ICA1L: variants seen among roughly 807,000 people sequenced by gnomAD.
ICA1L encodes the protein islet cell autoantigen 1 like.
ICA1L carries 50 observed loss-of-function variants against 61.3 expected under a neutral mutation model. The ratio of observed to expected loss-of-function variants is 0.82; its 90% confidence interval spans 0.65 to 1.03. ICA1L has a LOEUF of 1.03. Ranked by LOEUF, ICA1L falls within the 50% of genes least tolerant of loss-of-function variation. ICA1L has a pLI of 0.00. For synonymous variants in ICA1L, 161 were observed against 191.3 expected, an observed-to-expected ratio of 0.84 and a Z score of 1.31; for missense variants, 508 against 556.7, an observed-to-expected ratio of 0.91 and a Z score of 0.88.
Position 202,828,832 on chromosome 2 carries a change from G to A in ICA1L, c.162+16C>T, listed in dbSNP as rs200784262. 1.6e-4 allele frequency: 253 copies of A among 1,609,262 alleles called. 1 individual carries two copies. The African/African-American group carries it at 3.0e-3, about 19-fold the overall frequency. The stretch of plus-strand genomic sequence containing the variant: ...AATGGCTGGTTATATGCAATACATA[G>A]AATCCTCAAATTTACCTCAAGTTTA... On this transcript the variant is annotated intron_variant, in intron 2 of 12. Transcript: ENST00000358299.
Position 202,815,951 on chromosome 2 carries a change from G to C in ICA1L, c.743C>G (p.Ala248Gly). 1 of 1,604,426 alleles carries C rather than the reference G, an allele frequency of 6.2e-7. No individual in the cohort carries two copies. The change falls in exon 7 of 13, where the codon GCC becomes GGC. Residue 248 changes from alanine to glycine, a missense_variant. By Grantham distance (60) the Ala-to-Gly change is moderately conservative. Coordinates refer to ENST00000358299, the MANE Select transcript of ICA1L (RefSeq NM_001288622.3). ...ATCATACGGATGAAAGCCAATACAG[G>C]CTTCATGAATTTGGGACATCATTCG... is the stretch of plus-strand genomic sequence containing the variant. ...TARMMSQIHE[A>G]CIGFHPYDFV...
chr2:202,838,188 T>C (rs1244197820), intron 1 of ICA1L, among the ~76,000 whole-genome samples: 9 of 152,232 alleles, frequency 5.9e-5, no homozygotes, highest in African/African-American at 2.2e-4. Context: ...TTAAATTTCT[T>C]TTTTGACACG....
intron 3 of ICA1L, among the ~76,000 whole-genome samples, chr2:202,822,089 G>C (rs1368780821): frequency 6.6e-6 from 1 of 152,164 alleles, no homozygotes; most frequent in African/African-American, 2.4e-5. Flanking sequence ...TAGAGACTTT[G>C]AGCATTTTAT....
chr2:202,864,254 T>A (rs1687397131), intron 1 of ICA1L, among the ~76,000 whole-genome samples: 1 of 152,062 alleles, frequency 6.6e-6, no homozygotes, highest in Non-Finnish European at 1.5e-5. Flanking sequence ...TCAATTTTTT[T>A]TTTTTTCGAG....
intron 1 of ICA1L, among the ~76,000 whole-genome samples, chr2:202,861,737 T>G (rs1048298481): frequency 6.6e-6 from 1 of 151,732 alleles, no homozygotes; most frequent in East Asian, 1.9e-4. Flanking sequence ...AAACAAAAAT[T>G]AGCTGGGTGT....
intron 10 of ICA1L, among the ~76,000 whole-genome samples, chr2:202,789,479 T>C (rs1692682682): frequency 6.6e-6 from 1 of 152,208 alleles, no homozygotes; most frequent in Non-Finnish European, 1.5e-5. Flanking sequence ...AATGTAGTTA[T>C]TTTGGATAAC....
In ICA1L at chr2:202,862,272, C is replaced by CCAAAAAAAAAAAAA. The variant is rs1462555700; in HGVS notation, c.-8+9346_-8+9347insTTTTTTTTTTTTTG. On this transcript the variant is annotated intron_variant, in intron 1 of 12. Coordinates refer to ENST00000358299, the MANE Select transcript of ICA1L (RefSeq NM_001288622.3). The stretch of plus-strand genomic sequence containing the variant: ...GCAACACAGTAAGACCTCATTTCTA[C>CCAAAAAAAAAAAAA]AAAAAAAAAAAAAAAAAAAAAAAAA... Among the ~76,000 whole-genome samples the CCAAAAAAAAAAAAA allele has an allele frequency of 4.9e-4, 31 of 62,978 alleles. 10 individuals are homozygous for CCAAAAAAAAAAAAA. Among genetic ancestry groups the CCAAAAAAAAAAAAA allele is most frequent in the Non-Finnish European group, 5.4e-4 (21 of 38,590 alleles). The allele number at this position is 62,978 out of a possible 152,430, so 41.3% of individuals were successfully genotyped here. A position where few individuals can be genotyped will look rare whatever the true frequency, so the allele number is the denominator to read the frequency against.
At chr2:202,866,835 T>C (rs1428262654) in intron 1 of ICA1L, among the ~76,000 whole-genome samples, 1 of 151,890 alleles carries the variant, frequency 6.6e-6, no homozygotes, top group Non-Finnish European at 1.5e-5. Context: ...TAGTCCCAAC[T>C]ATTGAGGAGG....
At chr2:202,859,660 T>C (rs1356069677) in intron 1 of ICA1L, among the ~76,000 whole-genome samples, 2 of 152,212 alleles carry the variant, frequency 1.3e-5, no homozygotes, top group African/African-American at 4.8e-5. Context: ...GAGGTTACCA[T>C]CTTGACCTAA....
intron 2 of ICA1L, among the ~76,000 whole-genome samples, chr2:202,826,712 C>T (rs372045496): frequency 6.6e-6 from 1 of 151,916 alleles, no homozygotes; most frequent in Non-Finnish European, 1.5e-5. Flanking sequence ...CCTTGTGATC[C>T]ACCTGCCTCA....
At chr2:202,840,549 G>A in intron 1 of ICA1L, 1 of 551,568 alleles carries the variant, frequency 1.8e-6, no homozygotes, top group East Asian at 4.7e-5. Context: ...GTCTTCATAT[G>A]GATATTCATG....
intron 1 of ICA1L, among the ~76,000 whole-genome samples, chr2:202,868,802 T>C (rs1055014965): frequency 6.6e-6 from 1 of 151,362 alleles, no homozygotes; most frequent in Admixed American, 6.6e-5. Flanking sequence ...CCCCCATCTC[T>C]ACTAAAAATA....
intron 12 of ICA1L, among the ~76,000 whole-genome samples, 185 bp from the exon 13 acceptor site, chr2:202,779,833 TG>T (rs1242750397): frequency 6.7e-6 from 1 of 149,828 alleles, no homozygotes; most frequent in Non-Finnish European, 1.5e-5. Context: ...CGGTAGAGAC[TG>T]GGGTTTCCCT....
chr2:202,788,803 A>G (rs1038565339), intron 11 of ICA1L, 27 bp downstream of exon 11: 2 of 1,612,430 alleles, frequency 1.2e-6, no homozygotes, highest in Admixed American at 3.3e-5. Flanking sequence ...TAAAGCACAT[A>G]TGTCCAAATG....
chr2:202,793,401 A>C (rs190085861), intron 10 of ICA1L, among the ~76,000 whole-genome samples: 32 of 151,028 alleles, frequency 2.1e-4, no homozygotes, highest in African/African-American at 7.5e-4. Context: ...ACACTTAGCA[A>C]ATCCCAGCAC....
chr2:202,817,381 T>G (rs754371608), intron 6 of ICA1L, 37 bp downstream of exon 6: 2 of 1,504,474 alleles, frequency 1.3e-6, no homozygotes, highest in Non-Finnish European at 1.8e-6. Context: ...ACCACTCATC[T>G]TTACTGCAAG....
intron 1 of ICA1L, among the ~76,000 whole-genome samples, chr2:202,843,570 C>T (rs1694384973): frequency 6.6e-6 from 1 of 152,200 alleles, no homozygotes; most frequent in South Asian, 2.1e-4. Flanking sequence ...AATCACAGAA[C>T]TCAGGCCTGA....
intron 9 of ICA1L, among the ~76,000 whole-genome samples, chr2:202,802,970 G>A (rs1171456472): frequency 6.6e-6 from 1 of 151,828 alleles, no homozygotes; most frequent in African/African-American, 2.4e-5. Context: ...CAAAACAAAT[G>A]GAAAACAGAA....
chr2:202,861,588 T>C (rs967805435), intron 1 of ICA1L, among the ~76,000 whole-genome samples: 9 of 151,390 alleles, frequency 5.9e-5, no homozygotes, highest in Admixed American at 5.9e-4. Flanking sequence ...TAAGTAGACA[T>C]TTTTTTAAAA....
Sources: gnomAD v4.1 joint callset for allele counts (sites outside exome capture counted in the v4.1 genomes callset) on GRCh38, gnomAD v4.1.1 for gene constraint, MANE v1.5 for transcripts, NCBI Gene and HGNC (gene_info 2026-07-23, HGNC 2026-07-21) for gene names.